Variants in GSDMA observed in about 807,000 individuals in gnomAD.
The protein encoded by GSDMA is gasdermin-A.
A neutral mutation model predicts 54.3 loss-of-function variants in GSDMA; 55 were observed. That is an observed-to-expected ratio of 1.01 (90% CI 0.82 to 1.27). GSDMA has a LOEUF of 1.27. GSDMA is among the 50% of genes most tolerant of loss of function. GSDMA has a pLI of 0.00. For missense variants in GSDMA, 542 were observed against 542.6 expected (o/e 1.00, Z 0.01); for synonymous variants, 211 against 224.7 (o/e 0.94, Z 0.54).
chr17:39,968,103 C>T (rs181362714), intron 3 of GSDMA, among the ~76,000 whole-genome samples: 30 of 152,040 alleles, frequency 2.0e-4, no homozygotes, highest in Admixed American at 5.2e-4. Context: ...GTGATCTGTC[C>T]GCCTCGGCCT....
At chr17:39,972,231 T>G in intron 6 of GSDMA, 55 bp downstream of exon 6, 1 of 1,203,242 alleles carries the variant, frequency 8.3e-7, no homozygotes, top group Admixed American at 1.9e-5. Context: ...CCTGACATTA[T>G]CTGCCAAAAT....
intron 2 of GSDMA, 35 bp downstream of exon 2, chr17:39,965,936 C>A: frequency 6.5e-7 from 1 of 1,534,950 alleles, no homozygotes; most frequent in Non-Finnish European, 8.8e-7. Flanking sequence ...CTGAGGGATA[C>A]TGAGGGACAG....
chr17:39,966,132 G>C lies in GSDMA; in HGVS notation c.215-128G>C. On this transcript the variant is annotated intron_variant, in intron 2 of 11. Transcript: ENST00000301659. ...TGTAGAGATGGGTTCTTGCTTTGTT[G>C]CCCAGGCTGGTTTCAAACTCCTGGG... The C allele has an allele frequency of 5.1e-6, 5 of 986,982 alleles. 1 individual carries two copies. The South Asian group carries it at 7.1e-5, about 14-fold the overall frequency. 61.1% of individuals were successfully genotyped at this position (986,982 alleles called of 1,614,324 possible).
rs1979666603 is a variant in GSDMA, at chr17:39,966,388, G to T, written c.343G>T (p.Val115Phe). 1 of 1,613,560 alleles carries T rather than the reference G, an allele frequency of 6.2e-7. No homozygotes were observed. ...GCTCTCGCAGAACAGCACTCTGGAG[G>T]TCCAGACACTCAGTGTGGCTCCCAA... The part of the protein sequence containing the change: ...AGLSQNSTLE[V>F]QTLSVAPKAL... The change falls in exon 3 of 12, where the codon GTC becomes TTC. Residue 115 changes from valine (V) to phenylalanine (F), a missense_variant. By Grantham distance (50) the Val-to-Phe change is conservative (BLOSUM62 -1). Coordinates refer to ENST00000301659, the MANE Select transcript of GSDMA (RefSeq NM_178171.5).
At chr17:39,975,792 T>C (rs1275717365) in intron 10 of GSDMA, 132 bp from the exon 11 acceptor site, 1 of 628,168 alleles carries the variant, frequency 1.6e-6, no homozygotes, top group African/African-American at 1.9e-5. Context: ...ACCCCTCAGC[T>C]ATGGCTCCCT....
chr17:39,970,552 G>A lies in GSDMA; in HGVS notation c.463G>A (p.Glu155Lys), dbSNP rs1979886947. The A allele has an allele frequency of 3.1e-6, 5 of 1,609,800 alleles. No homozygotes were observed. The highest frequency in any genetic ancestry group is 4.2e-6 in the Non-Finnish European group (5 of 1,177,922). Residue 155 changes from glutamate (E) to lysine (K), a missense_variant, in exon 4 of 12, where the codon GAG (glutamate) becomes AAG (lysine). Coordinates refer to ENST00000301659, the MANE Select transcript of GSDMA (RefSeq NM_178171.5). Reference sequence around the variant, plus strand: ...AGGGGAGAACCTGTATGTGGTGATGGAGGTGGTGGAGACGGTGCAGGAGGT... The same window carrying A: ...AGGGGAGAACCTGTATGTGGTGATGAAGGTGGTGGAGACGGTGCAGGAGGT... ...DQGENLYVVM[E>K]VVETVQEVTL... is the part of the protein sequence containing the mutation.
intron 1 of GSDMA, among the ~76,000 whole-genome samples, chr17:39,964,156 G>A (rs546522095): frequency 1.2e-4 from 18 of 152,318 alleles, no homozygotes; most frequent in African/African-American, 4.3e-4. Flanking sequence ...CTGCCTGGAG[G>A]ACTGAGGGAA....
In GSDMA at chr17:39,972,691, C is replaced by T; in HGVS notation, c.730+78C>T. 10 of 1,204,738 alleles carry T rather than the reference C, an allele frequency of 8.3e-6. No individual in the cohort carries two copies. The South Asian group carries it at 1.2e-4, about 14-fold the overall frequency. 74.6% of individuals were successfully genotyped at this position (1,204,738 alleles called of 1,614,324 possible). A position where few individuals can be genotyped will look rare whatever the true frequency, so the allele number is the denominator to read the frequency against. ...CTCCAGTCTTTTTCTTTCCTTCTGA[C>T]AGGACTGACAGGGAAATAGCAGAGC... On this transcript the variant is annotated intron_variant, in intron 7 of 11. Coordinates refer to ENST00000301659, the MANE Select transcript of GSDMA (RefSeq NM_178171.5).
rs376784657 is a variant in GSDMA at position 39,976,009 on chromosome 17, A to C, written c.1095+12A>C. The C allele has an allele frequency of 4.0e-5, 63 of 1,573,848 alleles. No individual in the cohort carries two copies. The highest frequency in any genetic ancestry group is 5.2e-5 in the Non-Finnish European group (60 of 1,157,562). On this transcript the variant is annotated intron_variant, in intron 11 of 11. Transcript: ENST00000301659. ...TGCAGCTAAAGCTGGTGAGGGAAAA[A>C]CAGCAGATGCTGGGGAGAGTCTGGG...
chr17:39,969,543 C>T (rs3859194), intron 3 of GSDMA, among the ~76,000 whole-genome samples: 51,418 of 151,912 alleles, frequency 0.34, 9,087 homozygotes, highest in Middle Eastern at 0.44. Flanking sequence ...GGGTGGTACA[C>T]TGTGACTGGA....
At chr17:39,976,304 G>A (rs1360225380) in intron 11 of GSDMA, among the ~76,000 whole-genome samples, 4 of 143,094 alleles carry the variant, frequency 2.8e-5, no homozygotes, top group Non-Finnish European at 6.0e-5. Flanking sequence ...TTGAGATAGA[G>A]TTTCACTCTT....
chr17:39,967,402 C>T (rs1032423314), intron 3 of GSDMA, among the ~76,000 whole-genome samples: 19 of 152,112 alleles, frequency 1.2e-4, no homozygotes, highest in African/African-American at 4.6e-4. Context: ...ATTATGAAGG[C>T]ACACAGGTGA....
intron 1 of GSDMA, among the ~76,000 whole-genome samples, chr17:39,964,130 C>T (rs1979528426): frequency 6.6e-6 from 1 of 152,140 alleles, no homozygotes; most frequent in Non-Finnish European, 1.5e-5. Context: ...TTTGGAAACA[C>T]AGATACAGTC....
chr17:39,964,236 T>C (rs1454033362), intron 1 of GSDMA, among the ~76,000 whole-genome samples: 3 of 151,920 alleles, frequency 2.0e-5, no homozygotes, highest in Non-Finnish European at 4.4e-5. Flanking sequence ...CGGAAGCGGG[T>C]ATTGTAAGCA....
At chr17:39,973,756 G>T in intron 7 of GSDMA, 54 bp from the exon 8 acceptor site, 1 of 1,493,708 alleles carries the variant, frequency 6.7e-7, no homozygotes, top group Non-Finnish European at 9.3e-7. Context: ...CCTGGGTATG[G>T]CTGCCATTCT....
intron 3 of GSDMA, among the ~76,000 whole-genome samples, 181 bp from the exon 4 acceptor site, chr17:39,970,301 A>C (rs1979872624): frequency 6.6e-6 from 1 of 152,372 alleles, no homozygotes; most frequent in African/African-American, 2.4e-5. Flanking sequence ...ATTAAGACTC[A>C]GAGAAGCTGC....
intron 7 of GSDMA, among the ~76,000 whole-genome samples, 186 bp downstream of exon 7, chr17:39,972,799 G>GGA (rs59996560): frequency 2.4e-4 from 37 of 151,954 alleles, no homozygotes; most frequent in African/African-American, 8.9e-4. Context: ...GGGAGTCTTT[G>GGA]CCCAGGTGGT....
intron 11 of GSDMA, 90 bp from the exon 12 acceptor site, chr17:39,976,726 G>A (rs966978254): frequency 6.5e-7 from 1 of 1,531,906 alleles, no homozygotes; most frequent in Non-Finnish European, 8.9e-7. Context: ...ATTCTAATAA[G>A]GGGAATGTAA....
At chr17:39,967,749 C>G (rs1009638245) in intron 3 of GSDMA, among the ~76,000 whole-genome samples, 4 of 150,828 alleles carry the variant, frequency 2.7e-5, no homozygotes, top group African/African-American at 9.7e-5. Flanking sequence ...CTTGGCTCAC[C>G]GCAACCTCCG....
Sources: gnomAD v4.1 joint callset for allele counts (sites outside exome capture counted in the v4.1 genomes callset) on GRCh38, gnomAD v4.1.1 for gene constraint, MANE v1.5 for transcripts, NCBI Gene and HGNC (gene_info 2026-07-23, HGNC 2026-07-21) for gene names.